Variants in GSE1 observed in about 807,000 individuals in gnomAD.
GSE1 encodes genetic suppressor element 1.
Under a neutral mutation model 112.6 loss-of-function variants are expected in GSE1, and 32 were observed. That is an observed-to-expected ratio of 0.28 (90% CI 0.21 to 0.38). The LOEUF (loss-of-function observed/expected upper bound fraction) is 0.38, where lower values mean the gene tolerates loss of function less well. GSE1 is among the 10% of genes least tolerant of loss of function. The probability of loss-of-function intolerance (pLI) is 1.00; values close to 1 mark genes in which losing one functional copy is unlikely to be tolerated. For synonymous variants in GSE1, 1,115 were observed against 735.6 expected (o/e 1.52, Z -8.35); for missense variants, 2,348 against 1,699.2 (o/e 1.38, Z -6.71).
chr16:85,399,010 T>G (rs2048030432), intron 2 of GSE1, among the ~76,000 whole-genome samples: 1 of 152,102 alleles, frequency 6.6e-6, no homozygotes, highest in Non-Finnish European at 1.5e-5. Context: ...TGTAAGTACT[T>G]GTGTGTGGTT....
chr16:85,425,016 G>C (rs373825475), intron 2 of GSE1, among the ~76,000 whole-genome samples: 4 of 152,380 alleles, frequency 2.6e-5, no homozygotes, highest in East Asian at 1.9e-4. Flanking sequence ...GGCCAGGGTG[G>C]AGAGCAAGCT....
intron 2 of GSE1, among the ~76,000 whole-genome samples, chr16:85,520,419 C>T (rs2052142969): frequency 6.6e-6 from 1 of 151,594 alleles, no homozygotes; most frequent in African/African-American, 2.4e-5. Context: ...TCTTTCCAGC[C>T]CTGCTCCTAT....
rs56791474 is a variant in GSE1, at chr16:85,530,170, G to A, written c.2465-103744G>A. ...CCGGCCCCCGATTTCCAGCTCAGCC[G>A]TCTGCCTTGGCTCCCTGAAGCCTGT... On this transcript the variant is annotated intron_variant, in intron 2 of 2. Transcript: ENST00000637419. Among the ~76,000 whole-genome samples, 816 of 152,326 alleles carry A rather than the reference G, an allele frequency of 5.4e-3. 15 individuals carry two copies. Among genetic ancestry groups the A allele is most frequent in the East Asian group, 0.048 (250 of 5,190 alleles).
At chr16:85,319,444 C>T (rs965457460) in intron 1 of GSE1, among the ~76,000 whole-genome samples, 1 of 152,172 alleles carries the variant, frequency 6.6e-6, no homozygotes, top group African/African-American at 2.4e-5. Context: ...GGCAGCAGAG[C>T]CTCCTCGTCC....
intron 1 of GSE1, among the ~76,000 whole-genome samples, chr16:85,257,513 A>T (rs1299968576): frequency 1.3e-5 from 2 of 152,270 alleles, no homozygotes; most frequent in African/African-American, 2.4e-5. Context: ...TTTCTTATAT[A>T]CTTGTAACTT....
At chr16:85,404,384 T>C (rs1272578365) in intron 2 of GSE1, among the ~76,000 whole-genome samples, 2 of 14,524 alleles carry the variant, frequency 1.4e-4, no homozygotes, top group African/African-American at 2.2e-4. Flanking sequence ...TAATCCTCAC[T>C]GTTACACTCA....
chr16:85,415,638 G>A, intron 2 of GSE1, among the ~76,000 whole-genome samples: 1 of 152,254 alleles, frequency 6.6e-6, no homozygotes, highest in East Asian at 1.9e-4. Flanking sequence ...GATCTGCTCT[G>A]TTTGGAAGAA....
intron 2 of GSE1, among the ~76,000 whole-genome samples, chr16:85,418,834 C>T (rs1258042541): frequency 1.3e-5 from 2 of 152,062 alleles, no homozygotes; most frequent in Non-Finnish European, 1.5e-5. Context: ...ATTTGGGAAA[C>T]GTTTTGAGCA....
At chr16:85,647,920 A>C (rs1241180494) in intron 2 of GSE1, among the ~76,000 whole-genome samples, 1 of 152,074 alleles carries the variant, frequency 6.6e-6, no homozygotes, top group Non-Finnish European at 1.5e-5. Context: ...TCCCTGCTGC[A>C]CTGCAGCCCC....
chr16:85,227,101 T>TCATCCATC lies in GSE1; in HGVS notation c.2283+55316_2283+55323dup, dbSNP rs71151273. On this transcript the variant is annotated intron_variant, in intron 1 of 2. Transcript: ENST00000637419. ...ACCCATCTTTCCTCAGTCCTTCTTT[T>TCATCCATC]CATCCATCCATCCATCCATCCATCC... 6.3e-3 allele frequency among the ~76,000 whole-genome samples: 961 copies of TCATCCATC among 151,782 alleles called. 7 individuals are homozygous for TCATCCATC. The highest frequency in any genetic ancestry group is 0.022 in the African/African-American group (904 of 41,360).
chr16:85,184,952 G>A (rs967312318), intron 1 of GSE1, among the ~76,000 whole-genome samples: 1 of 152,208 alleles, frequency 6.6e-6, no homozygotes, highest in Non-Finnish European at 1.5e-5. Flanking sequence ...GTGCTTGGTA[G>A]CAGTGTTCAA....
intron 1 of GSE1, among the ~76,000 whole-genome samples, chr16:85,323,371 A>G (rs1372240513): frequency 6.6e-6 from 1 of 152,092 alleles, no homozygotes; most frequent in Admixed American, 6.5e-5. Context: ...AAAGGGTGAG[A>G]GCCTAGAGGT....
At chr16:85,595,802 C>CCCCACCCACCCACCCA (rs146912736) in intron 1 of GSE1, 2 of 126,130 alleles carry the variant, frequency 1.6e-5, no homozygotes, top group African/African-American at 6.9e-5. Flanking sequence ...CCATCCATTC[C>CCCCACCCACCCACCCA]CCCACCCACC....
intron 14 of GSE1, among the ~76,000 whole-genome samples, chr16:85,669,210 A>G (rs2053128859): frequency 1.3e-5 from 2 of 152,204 alleles, no homozygotes; most frequent in African/African-American, 2.4e-5. Flanking sequence ...TGCACTCACC[A>G]TCCTTACTGC....
intron 2 of GSE1, among the ~76,000 whole-genome samples, chr16:85,473,065 G>A (rs1050021483): frequency 1.3e-5 from 2 of 152,262 alleles, no homozygotes; most frequent in African/African-American, 4.8e-5. Flanking sequence ...GCCAGGAGCA[G>A]GGCACAAGGG....
intron 2 of GSE1, among the ~76,000 whole-genome samples, chr16:85,491,204 C>T (rs1169182766): frequency 2.0e-5 from 3 of 152,162 alleles, no homozygotes; most frequent in Admixed American, 1.3e-4. Context: ...GTTGTGTTCA[C>T]GCAGCATCAG....
intron 1 of GSE1, among the ~76,000 whole-genome samples, chr16:85,589,374 G>C (rs1477331822): frequency 6.6e-6 from 1 of 152,102 alleles, no homozygotes; most frequent in Admixed American, 6.5e-5. Flanking sequence ...ACGCTGGGCA[G>C]AGCCTGGATG....
In GSE1 at chr16:85,331,359, G is replaced by GTATATATATA. The variant is rs1192723319; in HGVS notation, c.2284-26103_2284-26102insATATATATAT. On this transcript the variant is annotated intron_variant, in intron 1 of 2. Coordinates refer to the GSE1 transcript ENST00000637419. ...TGTGTGTGTGTGTGTGTGTGTGTGT[G>GTATATATATA]TGTGTGTATATATGTATATATATGT... Among the ~76,000 whole-genome samples, 50 of 54,502 alleles carry GTATATATATA rather than the reference G, an allele frequency of 9.2e-4. 5 individuals carry two copies. Among genetic ancestry groups the GTATATATATA allele is most frequent in the South Asian group, 3.1e-3 (4 of 1,286 alleles). 35.8% of individuals were successfully genotyped at this position (54,502 alleles called of 152,430 possible). A position where few individuals can be genotyped will look rare whatever the true frequency, so the allele number is the denominator to read the frequency against.
intron 1 of GSE1, among the ~76,000 whole-genome samples, chr16:85,214,471 G>C (rs2075277323): frequency 6.6e-6 from 1 of 152,192 alleles, no homozygotes; most frequent in African/African-American, 2.4e-5. Context: ...GATGGTGGCT[G>C]AGCCCCCAGA....
Sources: allele counts gnomAD v4.1 joint callset (sites outside exome capture counted in the v4.1 genomes callset), GRCh38; gene constraint gnomAD v4.1.1; transcripts MANE v1.5; gene names NCBI Gene and HGNC (gene_info 2026-07-23, HGNC 2026-07-21).